The following PRAMEF15 variants were observed in gnomAD, a reference collection of about 807,000 sequenced individuals.
PRAMEF15 encodes the protein PRAME family member 9/15.
A neutral mutation model predicts 35.3 loss-of-function variants in PRAMEF15; 21 were observed. The ratio of observed to expected loss-of-function variants is 0.59; its 90% CI spans 0.42 to 0.86. The LOEUF (loss-of-function observed/expected upper bound fraction) is 0.86. PRAMEF15 is among the 40% of genes least tolerant of loss of function. The pLI is 0.00. For missense variants in PRAMEF15, 360 were observed against 574.1 expected (o/e 0.63, Z 3.81); for synonymous variants, 122 against 223.3 (o/e 0.55, Z 4.05).
In PRAMEF15 at chr1:13,318,462, C is replaced by A. The variant is rs1287958661; in HGVS notation, c.55C>A (p.Leu19Met). Reference protein sequence around the residue: ...PRLLELAGRSLLRDQALAMST... With the variant: ...PRLLELAGRSMLRDQALAMST... The stretch of plus-strand genomic sequence containing the variant: ...ACTCCTGGAGCTTGCAGGGCGGAGC[C>A]TGCTGAGGGACCAAGCTTTGGCCAT... Residue 19 changes from leucine to methionine, a missense_variant, in exon 2 of 4, where the codon CTG (leucine) becomes ATG (methionine). Physicochemically the swap from Leu to Met is conservative, Grantham distance 15 (BLOSUM62 2). Coordinates refer to ENST00000376152, the MANE Select transcript of PRAMEF15 (RefSeq NM_001098376.3). The A allele has an allele frequency of 1.9e-6, 3 of 1,614,076 alleles. No homozygotes were observed. Among genetic ancestry groups the A allele is most frequent in the South Asian group, 2.2e-5 (2 of 91,072 alleles).
rs1211015830 is a variant in PRAMEF15, at chr1:13,317,231, G to C, written c.-16-1161G>C. On this transcript the variant is annotated intron_variant, in intron 1 of 3. Transcript: ENST00000376152. Reference sequence around the variant, plus strand: ...ACTACAGGCGCAGACCACTGCACCTGGCTAATTTTTGCTGTCTTAGTAGAG... The same window carrying C: ...ACTACAGGCGCAGACCACTGCACCTCGCTAATTTTTGCTGTCTTAGTAGAG... 1.3e-5 allele frequency among the ~76,000 whole-genome samples: 2 copies of C among 151,590 alleles called. 1 individual carries two copies. The highest frequency in any genetic ancestry group is 1.3e-4 in the Admixed American group (2 of 15,170).
At chr1:13,321,297 C>T (rs1213437475) in intron 3 of PRAMEF15, among the ~76,000 whole-genome samples, 2 of 149,514 alleles carry the variant, frequency 1.3e-5, no homozygotes, top group Admixed American at 6.7e-5. Flanking sequence ...TCACTGCAAC[C>T]TACACCTCCT....
At chr1:13,318,030 G>A (rs1369736090) in intron 1 of PRAMEF15, among the ~76,000 whole-genome samples, 3 of 152,176 alleles carry the variant, frequency 2.0e-5, no homozygotes, top group Admixed American at 1.3e-4. Context: ...GAAAATGTGG[G>A]CATGTAGGCT....
chr1:13,316,002 G>GTTTT (rs1309240475), intron 1 of PRAMEF15, among the ~76,000 whole-genome samples: 1 of 147,962 alleles, frequency 6.8e-6, no homozygotes. Context: ...TCTGCACAAC[G>GTTTT]TTTTTTTTGG....
At chr1:13,321,088 C>T (rs1640078037) in intron 3 of PRAMEF15, among the ~76,000 whole-genome samples, 1 of 151,912 alleles carries the variant, frequency 6.6e-6, no homozygotes, top group South Asian at 2.1e-4. Flanking sequence ...CTCCACTGGG[C>T]TCCTGCGGCC....
chr1:13,316,107 C>T (rs1639999291), intron 1 of PRAMEF15, among the ~76,000 whole-genome samples: 1 of 151,432 alleles, frequency 6.6e-6, no homozygotes, highest in Non-Finnish European at 1.5e-5. Flanking sequence ...TCAAGCAATT[C>T]TCATGCCTCA....
At chr1:13,319,027 C>G (rs1161066885) in intron 2 of PRAMEF15, among the ~76,000 whole-genome samples, 1 of 151,922 alleles carries the variant, frequency 6.6e-6, no homozygotes, top group African/African-American at 2.4e-5. Context: ...AACCCCAACT[C>G]TACTACAAAT....
intron 3 of PRAMEF15, among the ~76,000 whole-genome samples, chr1:13,320,266 G>T (rs1569795048): frequency 1.3e-5 from 2 of 152,168 alleles, no homozygotes; most frequent in Non-Finnish European, 2.9e-5. Flanking sequence ...AAGTTAAGAT[G>T]ATGAAAAATA....
rs1290562332 is a variant in PRAMEF15 at position 13,316,692 on chromosome 1, TG to T, written c.-17+1037del. Among the ~76,000 whole-genome samples, 860 of 151,992 alleles carry T rather than the reference TG, an allele frequency of 5.7e-3. 11 individuals are homozygous for T. Among genetic ancestry groups the T allele is most frequent in the South Asian group, 0.039 (187 of 4,804 alleles). Reference sequence around the variant, plus strand: ...AAAAATTATATGACCCAGGTGATCATGGGTTACATGAAGATTTCTATTGTGT... The same window carrying T: ...AAAAATTATATGACCCAGGTGATCATGGTTACATGAAGATTTCTATTGTGT... On this transcript the variant is annotated intron_variant, in intron 1 of 3. Transcript: ENST00000376152.
chr1:13,322,238 C>A lies in PRAMEF15; in HGVS notation c.1411C>A (p.Leu471Met). 1 of 1,597,840 alleles carries A rather than the reference C, an allele frequency of 6.3e-7. No individual in the cohort carries two copies. The highest frequency in any genetic ancestry group is 8.5e-7 in the Non-Finnish European group (1 of 1,171,296). Residue 471 changes from leucine to methionine, a missense_variant, in exon 4 of 4, where the codon CTG (leucine) becomes ATG (methionine). Coordinates refer to ENST00000376152, the MANE Select transcript of PRAMEF15 (RefSeq NM_001098376.3). ...PDCGNRSFYDLEADQYCC is the reference protein window; with the variant it reads ...PDCGNRSFYDMEADQYCC ...CTGTGGCAACAGGTCATTTTATGACCTGGAGGCAGATCAATACTGCTGTTG... is the reference window on the plus strand; with the variant it reads ...CTGTGGCAACAGGTCATTTTATGACATGGAGGCAGATCAATACTGCTGTTG...
Position 13,321,813 on chromosome 1 carries a change from A to G in PRAMEF15, c.986A>G (p.Asp329Gly), listed in dbSNP as rs1369304026. 15 of 1,608,238 alleles carry G rather than the reference A, an allele frequency of 9.3e-6. 1 individual carries two copies. In the African/African-American group the frequency reaches 2.0e-4, roughly 22 times the overall value. The part of the protein sequence containing the change: ...CPSISQLKTL[D>G]LSGIRLTNYS... ...AGTATCAGTCAACTAAAGACCCTGG[A>G]CCTGAGTGGCATCAGACTGACCAAT... The change falls in exon 4 of 4, where the codon GAC becomes GGC. Residue 329 changes from aspartate to glycine, a missense_variant. Coordinates refer to ENST00000376152, the MANE Select transcript of PRAMEF15 (RefSeq NM_001098376.3).
chr1:13,316,221 C>A (rs1243131090), intron 1 of PRAMEF15, among the ~76,000 whole-genome samples: 2 of 151,676 alleles, frequency 1.3e-5, no homozygotes, highest in African/African-American at 4.9e-5. Flanking sequence ...CCAGGTTGGT[C>A]TCGAACACCT....
At chr1:13,319,154 A>C (rs1809725) in intron 2 of PRAMEF15, among the ~76,000 whole-genome samples, 6,630 of 150,140 alleles carry the variant, frequency 0.044, 71 homozygotes, top group East Asian at 0.24. Flanking sequence ...ACATCACACC[A>C]CTGCACTCTA....
In PRAMEF15 at chr1:13,319,928, G is replaced by A. The variant is rs1333390099; in HGVS notation, c.850G>A (p.Glu284Lys). Residue 284 changes from glutamate (E) to lysine (K), a missense_variant, in exon 3 of 4, where the codon GAA (glutamate) becomes AAA (lysine). Glu to Lys is a moderately conservative substitution (Grantham distance 56). Transcript: ENST00000376152. The stretch of plus-strand genomic sequence containing the variant: ...TTATATGAACTCTGTTTCTTTCCTC[G>A]AAGGCCACCTGGACCAGCTGCTCAG... ...KLYMNSVSFL[E>K]GHLDQLLSCL... is the part of the protein sequence containing the mutation. 6.9e-3 allele frequency: 11,179 copies of A among 1,610,676 alleles called. 167 individuals carry two copies. Among genetic ancestry groups the A allele is most frequent in the South Asian group, 0.04 (3,670 of 91,018 alleles).
chr1:13,317,710 A>T (rs1233980869), intron 1 of PRAMEF15, among the ~76,000 whole-genome samples: 16 of 148,732 alleles, frequency 1.1e-4, no homozygotes, highest in East Asian at 4.2e-4. Flanking sequence ...TGGGAGGTCA[A>T]GGCTGCACTG....
At chr1:13,318,325 G>T in intron 1 of PRAMEF15, 67 bp from the exon 2 acceptor site, 2 of 1,590,494 alleles carry the variant, frequency 1.3e-6, no homozygotes, top group Non-Finnish European at 1.7e-6. Context: ...TTGGCCATAG[G>T]AGAAGATGAG....
At position 13,318,509 on chromosome 1, in the gene PRAMEF15, C is replaced by T. The variant is rs1640035787; in HGVS notation, c.102C>T (p.Pro34=). The T allele has an allele frequency of 3.1e-6, 5 of 1,614,098 alleles. No homozygotes were observed. Among genetic ancestry groups the T allele is most frequent in the Non-Finnish European group, 4.2e-6 (5 of 1,180,012 alleles). The change falls in exon 2 of 4, where the codon CCC becomes CCT. Residue 34 remains proline, a synonymous_variant. Transcript: ENST00000376152. ...CCATGTCCACCCTGGAGGAGCTGCC[C>T]ACAGAACTTTTCCCCCCACTGTTCA... ...ALAMSTLEEL[P]TELFPPLFME... is the part of the protein sequence containing the mutation.
At chr1:13,319,063 G>A (rs1472680734) in intron 2 of PRAMEF15, among the ~76,000 whole-genome samples, 2 of 151,968 alleles carry the variant, frequency 1.3e-5, no homozygotes, top group African/African-American at 2.4e-5. Context: ...GCATGGTGGT[G>A]GGTTCCTGTA....
At chr1:13,321,252 T>G (rs1176826242) in intron 3 of PRAMEF15, among the ~76,000 whole-genome samples, 3 of 146,568 alleles carry the variant, frequency 2.0e-5, no homozygotes, top group African/African-American at 7.7e-5. Flanking sequence ...TCTCTCTCTG[T>G]CACCCAGGCT....
Sources: gnomAD v4.1 joint callset for allele counts (sites outside exome capture counted in the v4.1 genomes callset) on GRCh38, gnomAD v4.1.1 for gene constraint, MANE v1.5 for transcripts, NCBI Gene and HGNC (gene_info 2026-07-23, HGNC 2026-07-21) for gene names.